Variants in ERC1 observed in about 807,000 individuals in gnomAD.
The protein encoded by ERC1 is RAB6 interacting protein 2.
In ERC1, 56 loss-of-function variants were observed where a neutral mutation model predicts 132.0. The ratio of observed to expected loss-of-function variants is 0.42; its 90% CI spans 0.34 to 0.53. The LOEUF (loss-of-function observed/expected upper bound fraction) is 0.53. ERC1 is among the 20% of genes least tolerant of loss of function. The probability of loss-of-function intolerance (pLI) is 0.03; values close to 1 mark genes in which losing one functional copy is unlikely to be tolerated. For missense variants in ERC1, 1,202 were observed against 1,349.9 expected, an observed-to-expected ratio of 0.89 and a Z score of 1.72; for synonymous variants, 478 against 476.1, an observed-to-expected ratio of 1.00 and a Z score of -0.05.
intron 18 of ERC1, 110 bp from the exon 19 acceptor site, chr12:1,489,983 G>A: frequency 1.7e-6 from 2 of 1,196,732 alleles, no homozygotes; most frequent in Non-Finnish European, 2.4e-6. Context: ...TTTTGATGCA[G>A]AGAGACTTCA....
At chr12:1,135,368 A>G (rs1282117867) in intron 7 of ERC1, among the ~76,000 whole-genome samples, 2 of 152,098 alleles carry the variant, frequency 1.3e-5, no homozygotes, top group African/African-American at 4.8e-5. Context: ...CTCTTTCTCT[A>G]TGTGTACACT....
At chr12:1,463,483 G>A (rs1032621559) in intron 18 of ERC1, among the ~76,000 whole-genome samples, 1 of 152,152 alleles carries the variant, frequency 6.6e-6, no homozygotes, top group African/African-American at 2.4e-5. Context: ...GAATGTTTCT[G>A]ATCTGGTTTT....
At chr12:1,105,166 A>G (rs1359318380) in intron 4 of ERC1, among the ~76,000 whole-genome samples, 1 of 152,172 alleles carries the variant, frequency 6.6e-6, no homozygotes, top group African/African-American at 2.4e-5. Context: ...CTGGGTAACC[A>G]TAGCTTGTCA....
chr12:1,418,253 TACA>T (rs1215886275), intron 17 of ERC1, among the ~76,000 whole-genome samples: 3 of 152,208 alleles, frequency 2.0e-5, no homozygotes, highest in African/African-American at 7.2e-5. Flanking sequence ...TGGCATTGGA[TACA>T]ACAACAGAAG....
chr12:1,399,188 G>A (rs2154386380), intron 16 of ERC1, among the ~76,000 whole-genome samples: 1 of 151,962 alleles, frequency 6.6e-6, no homozygotes, highest in Middle Eastern at 3.4e-3. Context: ...ATAGGCTCAA[G>A]CAGTCCTCCC....
chr12:1,320,464 C>T (rs1321367546), intron 15 of ERC1, among the ~76,000 whole-genome samples: 2 of 152,086 alleles, frequency 1.3e-5, no homozygotes, highest in African/African-American at 2.4e-5. Flanking sequence ...GAGTAGTATT[C>T]CATAGTATTA....
intron 2 of ERC1, among the ~76,000 whole-genome samples, chr12:1,074,338 T>C (rs532896858): frequency 6.6e-6 from 1 of 152,174 alleles, no homozygotes. Context: ...GACAGAGCTT[T>C]GCTCTGTCAC....
intron 17 of ERC1, among the ~76,000 whole-genome samples, chr12:1,414,245 A>G (rs957975021): frequency 4.6e-5 from 7 of 152,126 alleles, no homozygotes; most frequent in Non-Finnish European, 1.0e-4. Context: ...TTACTGTTCT[A>G]GGGGCTGAAA....
chr12:1,373,352 G>T (rs1936082235), intron 16 of ERC1, among the ~76,000 whole-genome samples: 1 of 152,230 alleles, frequency 6.6e-6, no homozygotes, highest in Non-Finnish European at 1.5e-5. Context: ...ATAGGCCTAT[G>T]ATTTAAGCAG....
intron 1 of ERC1, among the ~76,000 whole-genome samples, chr12:1,004,552 G>A (rs1963144794): frequency 6.6e-6 from 1 of 151,496 alleles, no homozygotes; most frequent in South Asian, 2.1e-4. Flanking sequence ...GATTACAGGT[G>A]CCCACCACCA....
intron 7 of ERC1, among the ~76,000 whole-genome samples, chr12:1,130,994 A>T (rs1005639368): frequency 6.6e-6 from 1 of 152,232 alleles, no homozygotes; most frequent in Non-Finnish European, 1.5e-5. Flanking sequence ...AAAAAAATTT[A>T]TGAAGTACTG....
chr12:1,057,585 GTTTTTTTTTTTT>G (rs59761885), intron 2 of ERC1, among the ~76,000 whole-genome samples: 1 of 47,696 alleles, frequency 2.1e-5, no homozygotes, highest in Admixed American at 3.3e-4. Flanking sequence ...GATGCGCATG[GTTTTTTTTTTTT>G]TTTTTTTTTT....
intron 16 of ERC1, among the ~76,000 whole-genome samples, chr12:1,399,073 G>A (rs141161840): frequency 7.4e-5 from 11 of 148,838 alleles, no homozygotes; most frequent in Admixed American, 2.0e-4. Flanking sequence ...AGCCTCCAAA[G>A]TACCTGGGAC....
At position 1,028,454 on chromosome 12, in the gene ERC1, A is replaced by G. The variant is rs761486520; in HGVS notation, c.551A>G (p.Asn184Ser). 1.9e-6 allele frequency: 3 copies of G among 1,614,198 alleles called. No individual in the cohort carries two copies. Among genetic ancestry groups the G allele is most frequent in the Admixed American group, 3.3e-5 (2 of 60,030 alleles). Residue 184 changes from asparagine (N) to serine (S), a missense_variant, in exon 2 of 19, where the codon AAT (asparagine) becomes AGT (serine). Asn to Ser is a conservative substitution (Grantham distance 46). Coordinates refer to ENST00000360905, the MANE Select transcript of ERC1 (RefSeq NM_178040.4). ...GAGAGCAAATTGAGTTCTTCAATGA[A>G]TAGCATCAAGACCTTCTGGAGCCCA... ...VKESKLSSSMNSIKTFWSPEL... is the reference protein window; with the variant it reads ...VKESKLSSSMSSIKTFWSPEL...
chr12:1,311,854 A>G (rs2081332682), intron 15 of ERC1, among the ~76,000 whole-genome samples: 2 of 152,210 alleles, frequency 1.3e-5, no homozygotes, highest in African/African-American at 4.8e-5. Flanking sequence ...TCTTTTCACC[A>G]GCTGGATGAT....
At chr12:1,173,407 C>G (rs1022545937) in intron 8 of ERC1, among the ~76,000 whole-genome samples, 5 of 152,140 alleles carry the variant, frequency 3.3e-5, no homozygotes, top group South Asian at 2.1e-4. Flanking sequence ...TTTAGGGGTT[C>G]TGTGGTTTAT....
At chr12:1,095,733 A>T (rs1593258623) in intron 3 of ERC1, among the ~76,000 whole-genome samples, 1 of 152,150 alleles carries the variant, frequency 6.6e-6, no homozygotes, top group African/African-American at 2.4e-5. Context: ...CGGGAGGCAT[A>T]GGCTTGATGT....
At chr12:1,445,559 T>G (rs1370707706) in intron 18 of ERC1, among the ~76,000 whole-genome samples, 1 of 151,916 alleles carries the variant, frequency 6.6e-6, no homozygotes, top group African/African-American at 2.4e-5. Flanking sequence ...CTGAAGGTAA[T>G]CCTCCTGTCT....
intron 16 of ERC1, among the ~76,000 whole-genome samples, chr12:1,397,436 C>G (rs768776263): frequency 1.1e-4 from 16 of 151,968 alleles, no homozygotes; most frequent in South Asian, 2.1e-4. Flanking sequence ...TATTTGTTGT[C>G]AATTATAGTA....
Sources: allele counts gnomAD v4.1 joint callset (sites outside exome capture counted in the v4.1 genomes callset), GRCh38; gene constraint gnomAD v4.1.1; transcripts MANE v1.5; gene names NCBI Gene and HGNC (gene_info 2026-07-23, HGNC 2026-07-21).